Variants in CLDN10 observed in about 807,000 individuals in gnomAD.
The protein encoded by CLDN10 is claudin-10.
A neutral mutation model predicts 22.9 loss-of-function variants in CLDN10; 15 were observed. That is an observed-to-expected ratio of 0.65 (90% confidence interval 0.44 to 1.01). CLDN10 has a LOEUF of 1.01. Ranked by LOEUF, CLDN10 falls within the 50% of genes least tolerant of loss-of-function variation. CLDN10 has a pLI of 0.00. For missense variants in CLDN10, 247 were observed against 287.8 expected (o/e 0.86, Z 1.03); for synonymous variants, 114 against 111.4 (o/e 1.02, Z -0.15).
Position 95,552,833 on chromosome 13 carries a change from C to T in CLDN10, c.80C>T (p.Thr27Ile). The T allele has an allele frequency of 6.2e-7, 1 of 1,614,112 alleles. No homozygotes were observed. The highest frequency in any genetic ancestry group is 8.5e-7 in the Non-Finnish European group (1 of 1,179,990). The change falls in exon 1 of 5, where the codon ACC becomes ATC. Residue 27 changes from threonine (T) to isoleucine (I), a missense_variant. By Grantham distance (89) the Thr-to-Ile change is moderately conservative. Transcript: ENST00000299339. The stretch of plus-strand genomic sequence containing the variant: ...GTACTGGTGTCCTCCACGCTGCCCA[C>T]CGACTACTGGAAGGTGTCTACCATC... Reference protein sequence around the residue: ...GWVLVSSTLPTDYWKVSTIDG... With the variant: ...GWVLVSSTLPIDYWKVSTIDG...
chr13:95,540,677 G>A (rs931673799), intron 1 of CLDN10, among the ~76,000 whole-genome samples: 1 of 152,194 alleles, frequency 6.6e-6, no homozygotes, highest in African/African-American at 2.4e-5. Context: ...GAGAAGTGAT[G>A]TTAATTCTTA....
At chr13:95,540,336 A>G (rs917893356) in intron 1 of CLDN10, among the ~76,000 whole-genome samples, 1 of 112,188 alleles carries the variant, frequency 8.9e-6, no homozygotes, top group Admixed American at 8.6e-5. Context: ...AAATAAATAA[A>G]TAAATATTAG....
intron 1 of CLDN10, among the ~76,000 whole-genome samples, chr13:95,434,814 T>C (rs2042251121): frequency 6.6e-6 from 1 of 152,088 alleles, no homozygotes. Flanking sequence ...ACATCTACTT[T>C]ATCCTAGATT....
chr13:95,560,454 T>C lies in CLDN10; in HGVS notation c.455T>C (p.Val152Ala). Reference sequence around the variant, plus strand: ...ACGGAATTCTTTGATCCTCTCTTTGTTGAGCAAAAGTAAGTACTCTTCTCA... The same window carrying C: ...ACGGAATTCTTTGATCCTCTCTTTGCTGAGCAAAAGTAAGTACTCTTCTCA... ...ITTEFFDPLF[V>A]EQKYELGAAL... is the part of the protein sequence containing the mutation. Residue 152 changes from valine (V) to alanine (A), a missense_variant, in exon 3 of 5, where the codon GTT (valine) becomes GCT (alanine). By Grantham distance (64) the Val-to-Ala change is moderately conservative (BLOSUM62 0). Transcript: ENST00000299339. The C allele has an allele frequency of 6.2e-7, 1 of 1,612,804 alleles. No homozygotes were observed. Among genetic ancestry groups the C allele is most frequent in the Non-Finnish European group, 8.5e-7 (1 of 1,178,840 alleles).
At chr13:95,576,349 T>C (rs920146255) in intron 3 of CLDN10, among the ~76,000 whole-genome samples, 1 of 152,206 alleles carries the variant, frequency 6.6e-6, no homozygotes, top group Non-Finnish European at 1.5e-5. Flanking sequence ...CCAAGATTTC[T>C]TTTGCCTTGC....
At chr13:95,458,249 A>C (rs1361918047) in intron 1 of CLDN10, among the ~76,000 whole-genome samples, 4 of 152,222 alleles carry the variant, frequency 2.6e-5, no homozygotes, top group Admixed American at 2.6e-4. Flanking sequence ...ACACAGAGTC[A>C]AGAGGTAGAG....
chr13:95,437,718 G>A (rs2042285761), intron 1 of CLDN10, among the ~76,000 whole-genome samples: 1 of 152,212 alleles, frequency 6.6e-6, no homozygotes, highest in Non-Finnish European at 1.5e-5. Flanking sequence ...AGGATGGAGT[G>A]TGCTGAATTG....
In CLDN10 at chr13:95,540,599, T is replaced by C. The variant is rs114002995; in HGVS notation, c.215-19533T>C. Reference sequence around the variant, plus strand: ...GTAACAAATACTTGGCATATATGCATTCTTTGAAAATATCAGACAAATAAC... The same window carrying C: ...GTAACAAATACTTGGCATATATGCACTCTTTGAAAATATCAGACAAATAAC... On this transcript the variant is annotated intron_variant, in intron 1 of 4. Transcript: ENST00000376873. 5.5e-3 allele frequency among the ~76,000 whole-genome samples: 833 copies of C among 152,344 alleles called. 9 individuals carry two copies. The highest frequency in any genetic ancestry group is 0.019 in the African/African-American group (777 of 41,580).
chr13:95,448,727 T>TTTTATTTTAC (rs1375830752), intron 1 of CLDN10, among the ~76,000 whole-genome samples: 3 of 150,766 alleles, frequency 2.0e-5, no homozygotes, highest in African/African-American at 7.3e-5. Flanking sequence ...TAGTATTTTA[T>TTTTATTTTAC]TTTATTTTAT....
Position 95,517,933 on chromosome 13 carries a change from C to CA in CLDN10, c.215-42178dup, listed in dbSNP as rs35780641. The stretch of plus-strand genomic sequence containing the variant: ...GGACAACAAGAGCAAAACTCCACCT[C>CA]AAAAAAAAAAAAAAAAAAAAAGAGA... On this transcript the variant is annotated intron_variant, in intron 1 of 4. Coordinates refer to the CLDN10 transcript ENST00000376873. Among the ~76,000 whole-genome samples, 359 of 93,966 alleles carry CA rather than the reference C, an allele frequency of 3.8e-3. 3 individuals carry two copies. Among genetic ancestry groups the CA allele is most frequent in the South Asian group, 0.01 (25 of 2,494 alleles). The allele number at this position is 93,966 out of a possible 152,430, so 61.6% of individuals were successfully genotyped here.
intron 1 of CLDN10, among the ~76,000 whole-genome samples, chr13:95,556,212 A>G (rs1363562974): frequency 6.6e-6 from 1 of 151,788 alleles, no homozygotes; most frequent in Non-Finnish European, 1.5e-5. Flanking sequence ...CACCTGGCTG[A>G]TTTTTGTATT....
intron 3 of CLDN10, among the ~76,000 whole-genome samples, chr13:95,565,800 A>G (rs559980822): frequency 2.5e-5 from 1 of 40,342 alleles, no homozygotes; most frequent in South Asian, 9.1e-4. Context: ...GACAGGCCCC[A>G]GTGTGTGATG....
chr13:95,471,453 A>ATATTT (rs776857009), intron 1 of CLDN10, among the ~76,000 whole-genome samples: 54 of 106,390 alleles, frequency 5.1e-4, no homozygotes, highest in African/African-American at 1.9e-3. Context: ...ATATATATAT[A>ATATTT]TTTTTTTTTT....
At chr13:95,479,911 G>C (rs1401595801) in intron 1 of CLDN10, 1 of 152,224 alleles carries the variant, frequency 6.6e-6, no homozygotes, top group South Asian at 2.1e-4. Flanking sequence ...TTGAGTCTCT[G>C]GTTCCTCCAA....
At chr13:95,526,723 G>T (rs1016236248) in intron 1 of CLDN10, among the ~76,000 whole-genome samples, 14 of 152,068 alleles carry the variant, frequency 9.2e-5, no homozygotes, top group African/African-American at 1.4e-4. Flanking sequence ...GGAGGTGGAG[G>T]TTGCAGTGAA....
At chr13:95,475,359 C>T (rs1594544852) in intron 1 of CLDN10, among the ~76,000 whole-genome samples, 1 of 152,210 alleles carries the variant, frequency 6.6e-6, no homozygotes, top group Admixed American at 6.5e-5. Context: ...CCAGCCCGGC[C>T]TCCTGGGGAC....
At chr13:95,468,957 T>C (rs2042604683) in intron 1 of CLDN10, among the ~76,000 whole-genome samples, 1 of 152,186 alleles carries the variant, frequency 6.6e-6, no homozygotes, top group Non-Finnish European at 1.5e-5. Flanking sequence ...CCTTAGCTCC[T>C]AATGAAATAA....
At chr13:95,456,799 T>A (rs890704913) in intron 1 of CLDN10, among the ~76,000 whole-genome samples, 2 of 152,092 alleles carry the variant, frequency 1.3e-5, no homozygotes, top group Admixed American at 1.3e-4. Flanking sequence ...AATGAAAACA[T>A]TCATTAGGCA....
chr13:95,502,536 T>C (rs924422238), intron 1 of CLDN10, among the ~76,000 whole-genome samples: 1 of 152,196 alleles, frequency 6.6e-6, no homozygotes, highest in Admixed American at 6.5e-5. Flanking sequence ...TGTTTGTTTT[T>C]TGAGACAGAG....
Sources: allele counts gnomAD v4.1 joint callset (sites outside exome capture counted in the v4.1 genomes callset), GRCh38; gene constraint gnomAD v4.1.1; transcripts MANE v1.5; gene names NCBI Gene and HGNC (gene_info 2026-07-23, HGNC 2026-07-21).